The following CDHR2 variants were observed in gnomAD, a reference collection of about 807,000 sequenced individuals.
The protein encoded by CDHR2 is cadherin-related family member 2.
In CDHR2, 104 loss-of-function variants were observed where a neutral mutation model predicts 138.6. That is an observed-to-expected ratio of 0.75 (90% confidence interval 0.64 to 0.88). The LOEUF is 0.88. Ranked by LOEUF, CDHR2 falls within the 40% of genes least tolerant of loss-of-function variation. CDHR2 has a pLI of 0.00. For synonymous variants in CDHR2, 755 were observed against 742.8 expected, an observed-to-expected ratio of 1.02 and a Z score of -0.27; for missense variants, 1,624 against 1,727.6, an observed-to-expected ratio of 0.94 and a Z score of 1.06.
intron 7 of CDHR2, 152 bp downstream of exon 7, chr5:176,574,324 C>T (rs1758308347): frequency 3.1e-6 from 2 of 639,248 alleles, no homozygotes; most frequent in African/African-American, 3.6e-5. Flanking sequence ...ACCAGCCCCC[C>T]TCCCCGGAAA....
chr5:176,565,252 G>C (rs1758052984), intron 1 of CDHR2, 86 bp from the exon 2 acceptor site: 1 of 913,280 alleles, frequency 1.1e-6, no homozygotes, highest in East Asian at 2.4e-5. Flanking sequence ...GTGGTGGGTG[G>C]GCTCAGGTCA....
intron 17 of CDHR2, 42 bp downstream of exon 17, chr5:176,581,624 A>G: frequency 6.3e-7 from 1 of 1,599,678 alleles, no homozygotes. Context: ...GGGCCTCCCA[A>G]GCCGATAGCC....
chr5:176,543,061 C>T lies in CDHR2; in HGVS notation c.-16+292C>T, dbSNP rs1410808168. Among the ~76,000 whole-genome samples the T allele has an allele frequency of 6.6e-6, 1 of 151,970 alleles. No individual in the cohort carries two copies. Among genetic ancestry groups the T allele is most frequent in the African/African-American group, 2.4e-5 (1 of 41,504 alleles). ...GGCTCCCCGAGTTGGGGCGTTTGGA[C>T]CTAGCGGACGGGGAGAAGAGCGGCG... On this transcript the variant is annotated intron_variant, in intron 1 of 31. Coordinates refer to the CDHR2 transcript ENST00000510636. This position sits in a 1 kb window ranked among gnomAD's most constrained non-coding sequence, Gnocchi z 4.0.
chr5:176,581,776 G>A (rs1369423842), intron 17 of CDHR2, among the ~76,000 whole-genome samples, 194 bp downstream of exon 17: 3 of 152,172 alleles, frequency 2.0e-5, no homozygotes, highest in African/African-American at 7.2e-5. Flanking sequence ...GGGTGAAAAA[G>A]GTTAAAGATT....
In CDHR2 at chr5:176,550,185, G is replaced by A. The variant is rs142823070; in HGVS notation, c.-16+771G>A. The stretch of plus-strand genomic sequence containing the variant: ...GGCAGATGGAAACAAGTCATGGCCC[G>A]TGTGTAGACCCCTTGATTTTTATCC... On this transcript the variant is annotated intron_variant, in intron 1 of 31. Transcript: ENST00000261944. 9.3e-3 allele frequency among the ~76,000 whole-genome samples: 1,423 copies of A among 152,336 alleles called. 20 individuals carry two copies. Among genetic ancestry groups the A allele is most frequent in the Middle Eastern group, 0.044 (13 of 294 alleles).
upstream of CDHR2, among the ~76,000 whole-genome samples, chr5:176,546,590 A>C (rs1757588041): frequency 6.6e-6 from 1 of 151,960 alleles, no homozygotes; most frequent in Non-Finnish European, 1.5e-5. Context: ...CATTGTGAAT[A>C]TACAGTAGAT....
In CDHR2 at chr5:176,576,221, TG is replaced by T; in HGVS notation, c.1194+41del. 2.1e-6 allele frequency: 2 copies of T among 954,340 alleles called. No individual in the cohort carries two copies. The allele number at this position is 954,340 out of a possible 1,614,324, so 59.1% of individuals were successfully genotyped here. ...TGGCGTGGGTGTGGGCGGGGGTGGC[TG>T]GGGGAGGCCAGTGGGAGCCTGGATC... is the stretch of plus-strand genomic sequence containing the variant. On this transcript the variant is annotated intron_variant, in intron 12 of 31. Transcript: ENST00000261944. The surrounding 1 kb of genome is among the most constrained non-coding windows in gnomAD (Gnocchi z 4.5).
chr5:176,568,819 T>A lies in CDHR2; in HGVS notation c.264+2T>A. On this transcript the variant is annotated splice_donor_variant, in intron 4 of 31. Transcript: ENST00000261944. LOFTEE classifies it high-confidence loss of function. The stretch of plus-strand genomic sequence containing the variant: ...CTGGCCAGCGCTCTGGACTACGAGG[T>A]AAAGAGCATCAGCCGGAGAGGGCAC... 1 of 1,613,932 alleles carries A rather than the reference T, an allele frequency of 6.2e-7. No individual in the cohort carries two copies.
chr5:176,571,534 A>G (rs1288970463), intron 6 of CDHR2, among the ~76,000 whole-genome samples: 1 of 147,978 alleles, frequency 6.8e-6, no homozygotes, highest in African/African-American at 2.5e-5. Flanking sequence ...AAAAAAAAAA[A>G]GGGAGTTGAT....
rs75815922 is a variant in CDHR2 at position 176,594,730 on chromosome 5, A to G, written c.3793-802A>G. On this transcript the variant is annotated intron_variant, in intron 31 of 31. Coordinates refer to ENST00000261944, the MANE Select transcript of CDHR2 (RefSeq NM_017675.6). ...AGGGACCAGAACAGCCCCAGTCTGG[A>G]AAAAGCCCTTGGAGTGCCCTGGGGA... Among the ~76,000 whole-genome samples the G allele has an allele frequency of 1.7e-4, 26 of 152,316 alleles. No individual in the cohort carries two copies. In the East Asian group the frequency reaches 4.1e-3, roughly 24 times the overall value.
intron 17 of CDHR2, among the ~76,000 whole-genome samples, chr5:176,583,175 C>T (rs1175965513): frequency 1.3e-5 from 2 of 152,188 alleles, no homozygotes; most frequent in East Asian, 1.9e-4. Flanking sequence ...CCCTGTGAGC[C>T]GTCCTCACAA....
At chr5:176,588,531 G>C (rs565201516) in intron 21 of CDHR2, among the ~76,000 whole-genome samples, 1 of 135,298 alleles carries the variant, frequency 7.4e-6, no homozygotes, top group Non-Finnish European at 1.6e-5. Flanking sequence ...GTGTGAGTGT[G>C]TTAGGGTGAG....
rs556945992 is a variant in CDHR2, at chr5:176,581,390, C to T, written c.1866C>T (p.Phe622=). 3.7e-6 allele frequency: 6 copies of T among 1,614,100 alleles called. No homozygotes were observed. In the South Asian group the frequency reaches 6.6e-5, roughly 18 times the overall value. ...GCACCAACAACAGCCGTCTGCTCTT[C>T]AACCTGCTGCCTGGCCCCTACAGCC... The part of the protein sequence containing the change: ...EPGTNNSRLL[F]NLLPGPYSHN... The change falls in exon 17 of 32, where the codon TTC becomes TTT. Residue 622 remains phenylalanine, a synonymous_variant. Transcript: ENST00000261944.
At chr5:176,590,825 C>T in intron 28 of CDHR2, 138 bp downstream of exon 28, 2 of 1,159,132 alleles carry the variant, frequency 1.7e-6, no homozygotes, top group Non-Finnish European at 2.5e-6. Flanking sequence ...AGTGCGAGAT[C>T]TTGGGTGAGT....
At chr5:176,557,351 A>G (rs937536775) in intron 1 of CDHR2, among the ~76,000 whole-genome samples, 4 of 151,672 alleles carry the variant, frequency 2.6e-5, no homozygotes, top group African/African-American at 4.8e-5. Flanking sequence ...GACTACAGGC[A>G]TGTGCCACTA....
At chr5:176,592,177 T>G (rs1156803344) in intron 30 of CDHR2, among the ~76,000 whole-genome samples, 8 of 143,606 alleles carry the variant, frequency 5.6e-5, no homozygotes, top group Middle Eastern at 4.1e-3. Flanking sequence ...GGTGGTGGTG[T>G]TGGTGTTGAG....
chr5:176,590,504 G>A lies in CDHR2; in HGVS notation c.3414+19G>A, dbSNP rs1294888201. On this transcript the variant is annotated intron_variant, in intron 27 of 31. Transcript: ENST00000261944. ...GGTGCTGGTGAGTGCGGGCAGGGCG[G>A]GGCAGCAGGTGGGGCTGCTGAAGAC... The A allele has an allele frequency of 6.2e-7, 1 of 1,613,844 alleles. No individual in the cohort carries two copies. The highest frequency in any genetic ancestry group is 1.3e-5 in the African/African-American group (1 of 74,894).
At chr5:176,571,141 G>T in intron 5 of CDHR2, 72 bp from the exon 6 acceptor site, 3 of 822,982 alleles carry the variant, frequency 3.6e-6, no homozygotes, top group African/African-American at 1.8e-5. Context: ...CCAGCTCTTT[G>T]TACGATACTT....
intron 21 of CDHR2, 115 bp downstream of exon 21, chr5:176,586,957 G>T (rs757371016): frequency 6.4e-5 from 52 of 810,124 alleles, no homozygotes; most frequent in Non-Finnish European, 1.0e-4. Context: ...ACATGAAAAA[G>T]AAAACCCCAG....
Sources: allele counts gnomAD v4.1 joint callset (sites outside exome capture counted in the v4.1 genomes callset), GRCh38; gene constraint gnomAD v4.1.1; non-coding constraint Gnocchi (gnomAD v3.1); transcripts MANE v1.5; gene names NCBI Gene and HGNC (gene_info 2026-07-23, HGNC 2026-07-21).